ZNF782: variants seen among roughly 807,000 people sequenced by gnomAD.
The protein encoded by ZNF782 is zinc finger protein 782.
Under a neutral mutation model 13.0 loss-of-function variants are expected in ZNF782, and 12 were observed. The observed-to-expected ratio is 0.92, with a 90% CI of 0.59 to 1.50. The LOEUF is 1.50. ZNF782 is among the 40% of genes most tolerant of loss of function. The probability of loss-of-function intolerance (pLI) is 0.00; values close to 1 mark genes in which losing one functional copy is unlikely to be tolerated. For synonymous variants in ZNF782, 284 were observed against 283.0 expected, an observed-to-expected ratio of 1.00 and a Z score of -0.04; for missense variants, 770 against 822.9, an observed-to-expected ratio of 0.94 and a Z score of 0.79.
At chr9:96,900,666 G>A in the ZNF782 span, among the ~76,000 whole-genome samples, 1 of 152,098 alleles carries the variant, frequency 6.6e-6, no homozygotes. Flanking sequence ...ACTTGAACCT[G>A]GGAGGCAGAG....
At chr9:96,894,810 C>T in the ZNF782 span, 1 of 152,200 alleles carries the variant, frequency 6.6e-6, no homozygotes, top group Non-Finnish European at 1.5e-5. Flanking sequence ...ACACTGTACC[C>T]TCAAACTCCT....
rs916104326 is a variant in ZNF782 at position 96,816,586 on chromosome 9, A to G, written c.*1337T>C. On this transcript the variant is annotated 3_prime_UTR_variant, in exon 6 of 6. Coordinates refer to ENST00000481138, the MANE Select transcript of ZNF782 (RefSeq NM_001001662.3). ...TGTGAAACAACAGTTCTGATAAAGC[A>G]ATATCTAGATAAAGGCTATTACTTA... 9.9e-5 allele frequency: 15 copies of G among 152,254 alleles called. No homozygotes were observed. Among genetic ancestry groups the G allele is most frequent in the African/African-American group, 3.1e-4 (13 of 41,462 alleles). 9.4% of individuals were successfully genotyped at this position (152,254 alleles called of 1,614,324 possible).
intron 4 of ZNF782, among the ~76,000 whole-genome samples, chr9:96,841,285 T>A (rs1422284658): frequency 6.6e-6 from 1 of 151,996 alleles, no homozygotes; most frequent in Non-Finnish European, 1.5e-5. Context: ...TAGGCCCAGA[T>A]GGTTTCACTA....
At chr9:96,883,773 A>G in the ZNF782 span, among the ~76,000 whole-genome samples, 1 of 152,206 alleles carries the variant, frequency 6.6e-6, no homozygotes, top group African/African-American at 2.4e-5. Flanking sequence ...AGCATAGCAA[A>G]ACTCTGAAAA....
intron 1 of ZNF782, among the ~76,000 whole-genome samples, chr9:96,872,573 A>G (rs111492984): frequency 2.0e-5 from 3 of 152,208 alleles, no homozygotes; most frequent in African/African-American, 7.2e-5. Flanking sequence ...TAACTCTTCT[A>G]TTCACATAGT....
intron 4 of ZNF782, among the ~76,000 whole-genome samples, chr9:96,834,927 A>T (rs1850939555): frequency 6.6e-6 from 1 of 152,218 alleles, no homozygotes; most frequent in Non-Finnish European, 1.5e-5. Flanking sequence ...TGAAGACAGG[A>T]AAACAAAGGA....
chr9:96,924,963 G>A, the ZNF782 span, among the ~76,000 whole-genome samples: 2 of 152,248 alleles, frequency 1.3e-5, no homozygotes, highest in Non-Finnish European at 2.9e-5. Flanking sequence ...GGATGGGGTC[G>A]CCCCGCAGAC....
At chr9:96,897,231 T>C in the ZNF782 span, among the ~76,000 whole-genome samples, 2 of 152,160 alleles carry the variant, frequency 1.3e-5, no homozygotes, top group East Asian at 3.9e-4. Context: ...AATTCTACAT[T>C]TGCCTCCAAT....
the ZNF782 span, among the ~76,000 whole-genome samples, chr9:96,896,510 C>T: frequency 2.0e-5 from 3 of 152,068 alleles, no homozygotes; most frequent in South Asian, 2.1e-4. Flanking sequence ...TTCACTTCAG[C>T]GAAATTTCTA....
intron 1 of ZNF782, among the ~76,000 whole-genome samples, chr9:96,867,308 A>C (rs1851768102): frequency 6.6e-6 from 1 of 152,168 alleles, no homozygotes; most frequent in African/African-American, 2.4e-5. Flanking sequence ...TGACAGTATT[A>C]TAAGGAGTTT....
chr9:96,917,539 C>G, the ZNF782 span, among the ~76,000 whole-genome samples: 6 of 151,704 alleles, frequency 4.0e-5, no homozygotes, highest in Admixed American at 3.3e-4. Flanking sequence ...TCAAGTGATT[C>G]TCCTACCTTA....
At chr9:96,867,553 G>T (rs2118876464) in intron 1 of ZNF782, among the ~76,000 whole-genome samples, 1 of 152,262 alleles carries the variant, frequency 6.6e-6, no homozygotes, top group Non-Finnish European at 1.5e-5. Flanking sequence ...CTACCAAAAG[G>T]CATATCATAA....
At chr9:96,920,873 C>T in the ZNF782 span, among the ~76,000 whole-genome samples, 1 of 147,696 alleles carries the variant, frequency 6.8e-6, no homozygotes, top group African/African-American at 2.6e-5. Context: ...CAAGATCTCG[C>T]TACTGCACTC....
upstream of ZNF782, among the ~76,000 whole-genome samples, chr9:96,878,554 G>A (rs566469642): frequency 9.2e-5 from 14 of 152,098 alleles, no homozygotes; most frequent in Non-Finnish European, 1.8e-4. Flanking sequence ...TAAAAACATG[G>A]TTACAACTTC....
intron 5 of ZNF782, among the ~76,000 whole-genome samples, chr9:96,822,558 A>T (rs1458202428): frequency 6.6e-6 from 1 of 152,114 alleles, no homozygotes; most frequent in African/African-American, 2.4e-5. Context: ...CCTTTTTCGA[A>T]TTGAGACTAT....
At chr9:96,836,116 C>G (rs962303165) in intron 4 of ZNF782, among the ~76,000 whole-genome samples, 1 of 152,066 alleles carries the variant, frequency 6.6e-6, no homozygotes, top group African/African-American at 2.4e-5. Context: ...GACATGGAGT[C>G]AAAGGAGACT....
At chr9:96,839,595 C>G (rs545794198) in intron 4 of ZNF782, among the ~76,000 whole-genome samples, 1 of 152,112 alleles carries the variant, frequency 6.6e-6, no homozygotes, top group African/African-American at 2.4e-5. Flanking sequence ...GTATGTAGTT[C>G]AAAAATCCAA....
At chr9:96,883,603 T>C in the ZNF782 span, among the ~76,000 whole-genome samples, 99 of 152,240 alleles carry the variant, frequency 6.5e-4, no homozygotes, top group Admixed American at 5.0e-3. Context: ...ACACAACCAA[T>C]AGAAGGGAGC....
chr9:96,875,727 C>G (rs1476342590), upstream of ZNF782: 3 of 394,846 alleles, frequency 7.6e-6, no homozygotes, highest in African/African-American at 6.2e-5. Flanking sequence ...TTCTCACCCT[C>G]TGAATCACAA....
Sources: allele counts gnomAD v4.1 joint callset (sites outside exome capture counted in the v4.1 genomes callset), GRCh38; gene constraint gnomAD v4.1.1; transcripts MANE v1.5; gene names NCBI Gene and HGNC (gene_info 2026-07-23, HGNC 2026-07-21).